Variants in CREBBP observed in about 807,000 individuals in gnomAD.
CREBBP encodes the protein CREB binding lysine acetyltransferase, also known as CREB-binding protein.
A neutral mutation model predicts 265.0 loss-of-function variants in CREBBP; 19 were observed. The ratio of observed to expected loss-of-function variants is 0.07; its 90% CI spans 0.05 to 0.11. The LOEUF is 0.11. CREBBP is among the 10% of genes least tolerant of loss of function. The probability of loss-of-function intolerance (pLI) is 1.00; values close to 1 mark genes in which losing one functional copy is unlikely to be tolerated. For missense variants in CREBBP, 2,525 were observed against 3,219.0 expected, an observed-to-expected ratio of 0.78 and a Z score of 5.22; for synonymous variants, 1,457 against 1,223.7, an observed-to-expected ratio of 1.19 and a Z score of -3.98.
intron 1 of CREBBP, among the ~76,000 whole-genome samples, chr16:3,857,411 C>T (rs779890541): frequency 1.7e-4 from 26 of 152,200 alleles, no homozygotes; most frequent in Admixed American, 6.5e-4. Flanking sequence ...CACACGTAGT[C>T]GTACCATCAC....
chr16:3,845,693 C>T (rs544950392), intron 2 of CREBBP, among the ~76,000 whole-genome samples: 1 of 151,924 alleles, frequency 6.6e-6, no homozygotes, highest in Admixed American at 6.6e-5. Flanking sequence ...CAGGACCAGC[C>T]TGGGCAACAT....
intron 3 of CREBBP, among the ~76,000 whole-genome samples, chr16:3,808,174 A>G (rs2053868825): frequency 6.9e-6 from 1 of 145,938 alleles, no homozygotes; most frequent in African/African-American, 2.5e-5. Context: ...GCAGCGGGGG[A>G]GAGAGAGAGG....
At position 3,868,262 on chromosome 16, in the gene CREBBP, TA is replaced by T. The variant is rs571069387; in HGVS notation, c.85+11569del. ...AATATATTATCTACTCACAAGAACT[TA>T]AAAAAACTTTTAAAAGAAAATTGTT... On this transcript the variant is annotated intron_variant, in intron 1 of 30. Transcript: ENST00000262367. 1.4e-3 allele frequency among the ~76,000 whole-genome samples: 216 copies of T among 152,188 alleles called. 4 individuals are homozygous for T. Among genetic ancestry groups the T allele is most frequent in the African/African-American group, 4.0e-3 (168 of 41,552 alleles).
At chr16:3,853,549 G>A (rs2054898478) in intron 1 of CREBBP, among the ~76,000 whole-genome samples, 1 of 152,094 alleles carries the variant, frequency 6.6e-6, no homozygotes, top group Admixed American at 6.6e-5. Context: ...GGCAGAGCTT[G>A]CAGTGAGCCA....
At chr16:3,793,309 C>T (rs1398167906) in intron 4 of CREBBP, 77 bp downstream of exon 4, 2 of 1,600,164 alleles carry the variant, frequency 1.2e-6, no homozygotes, top group African/African-American at 1.3e-5. Context: ...CCTTATGAAC[C>T]AGAGAGCTGC....
intron 3 of CREBBP, among the ~76,000 whole-genome samples, chr16:3,803,260 CGGGGAGGG>C (rs1400514323): frequency 0.075 from 636 of 8,438 alleles, 123 homozygotes; most frequent in Non-Finnish European, 0.1. Context: ...AGGCTGACGG[CGGGGAGGG>C]GGGGGGGGGG....
In CREBBP at chr16:3,731,705, C is replaced by A. The variant is rs56268770; in HGVS notation, c.4890+71G>T. On this transcript the variant is annotated intron_variant, in intron 29 of 30. Transcript: ENST00000262367. The surrounding 1 kb of genome is among the most constrained non-coding windows in gnomAD (Gnocchi z 7.7). Reference sequence around the variant, plus strand: ...CACCACAGACCTGCACACGGGCCCACGCCCGCCAGCTGCGAGTCTTTCCCT... The same window carrying A: ...CACCACAGACCTGCACACGGGCCCAAGCCCGCCAGCTGCGAGTCTTTCCCT... 14 of 1,603,070 alleles carry A rather than the reference C, an allele frequency of 8.7e-6. No individual in the cohort carries two copies. Among genetic ancestry groups the A allele is most frequent in the Admixed American group, 5.0e-5 (3 of 59,980 alleles).
chr16:3,794,544 C>G (rs1245591131), intron 3 of CREBBP, among the ~76,000 whole-genome samples: 1 of 152,068 alleles, frequency 6.6e-6, no homozygotes, highest in Non-Finnish European at 1.5e-5. Flanking sequence ...AATACAACCA[C>G]CCAGTGCAAT....
intron 2 of CREBBP, among the ~76,000 whole-genome samples, chr16:3,837,524 G>A (rs1393942243): frequency 1.3e-5 from 2 of 151,920 alleles, no homozygotes; most frequent in African/African-American, 4.8e-5. Flanking sequence ...GCTGAGGCAG[G>A]AGAATTGCTT....
intron 2 of CREBBP, among the ~76,000 whole-genome samples, chr16:3,813,375 ATAAATATTAAGCAC>A: frequency 6.6e-6 from 1 of 152,342 alleles, no homozygotes; most frequent in South Asian, 2.1e-4. Context: ...TGGTAGCTCG[ATAAATATTAAGCAC>A]ATTTCTGATT....
At chr16:3,786,166 C>T (rs966036691) in intron 5 of CREBBP, among the ~76,000 whole-genome samples, 1 of 152,166 alleles carries the variant, frequency 6.6e-6, no homozygotes, top group Non-Finnish European at 1.5e-5. Context: ...AGTTCGAGAC[C>T]AGCCTGGCTA....
chr16:3,848,458 T>C (rs774811983), intron 2 of CREBBP, among the ~76,000 whole-genome samples: 7 of 152,180 alleles, frequency 4.6e-5, no homozygotes, highest in African/African-American at 7.2e-5. Context: ...GTAGATCTAG[T>C]TTTCTAGTTA....
At chr16:3,871,603 C>G (rs900547021) in intron 1 of CREBBP, among the ~76,000 whole-genome samples, 2 of 152,196 alleles carry the variant, frequency 1.3e-5, no homozygotes, top group African/African-American at 4.8e-5. Flanking sequence ...CAAGCCTTCT[C>G]TACATGTTAT....
chr16:3,850,370 G>A lies in CREBBP; in HGVS notation c.725C>T (p.Thr242Ile). Residue 242 changes from threonine (T) to isoleucine (I), a missense_variant, in exon 2 of 31, where the codon ACC becomes ATC. Coordinates refer to ENST00000262367, the MANE Select transcript of CREBBP (RefSeq NM_004380.3). Reference protein sequence around the residue: ...QGASSSVLAETLTQVSPQMTG... With the variant: ...QGASSSVLAEILTQVSPQMTG... ...CATTTGCGGGGAAACCTGCGTTAGG[G>A]TCTCAGCCAGCACGCTGCTCGAGGC... 1 of 1,614,244 alleles carries A rather than the reference G, an allele frequency of 6.2e-7. No individual in the cohort carries two copies. Among genetic ancestry groups the A allele is most frequent in the South Asian group, 1.1e-5 (1 of 91,090 alleles).
At chr16:3,832,242 A>T (rs1187482369) in intron 2 of CREBBP, among the ~76,000 whole-genome samples, 2 of 152,224 alleles carry the variant, frequency 1.3e-5, no homozygotes, top group Non-Finnish European at 2.9e-5. Context: ...TTCACTGGTG[A>T]ATTTTATCAA....
chr16:3,773,706 G>T, intron 13 of CREBBP, 45 bp downstream of exon 13: 2 of 1,599,420 alleles, frequency 1.3e-6, no homozygotes, highest in East Asian at 2.2e-5. Flanking sequence ...CTTAACACAA[G>T]AATTTTATTT....
At chr16:3,733,707 T>A (rs1339381117) in intron 28 of CREBBP, among the ~76,000 whole-genome samples, 2 of 152,272 alleles carry the variant, frequency 1.3e-5, no homozygotes, top group East Asian at 1.9e-4. Context: ...AGTGGCACAA[T>A]CTTGGCTCAC....
At chr16:3,802,424 G>T (rs766995014) in intron 3 of CREBBP, among the ~76,000 whole-genome samples, 2 of 151,796 alleles carry the variant, frequency 1.3e-5, no homozygotes, top group African/African-American at 4.8e-5. Flanking sequence ...GAGCCACCGC[G>T]CCCAGCCTAT....
At chr16:3,864,694 C>A (rs2055142360) in intron 1 of CREBBP, among the ~76,000 whole-genome samples, 4 of 152,068 alleles carry the variant, frequency 2.6e-5, no homozygotes, top group Admixed American at 2.0e-4. Flanking sequence ...AATTCAGAAA[C>A]AACTGAGAAG....
Sources: allele counts gnomAD v4.1 joint callset (sites outside exome capture counted in the v4.1 genomes callset), GRCh38; gene constraint gnomAD v4.1.1; non-coding constraint Gnocchi (gnomAD v3.1); transcripts MANE v1.5; gene names NCBI Gene and HGNC (gene_info 2026-07-23, HGNC 2026-07-21).